The following TNRC6B variants were observed in gnomAD, a reference collection of about 807,000 sequenced individuals.
TNRC6B encodes trinucleotide repeat-containing gene 6B protein.
Under a neutral mutation model 203.6 loss-of-function variants are expected in TNRC6B, and 52 were observed. The ratio of observed to expected loss-of-function variants is 0.26; its 90% confidence interval spans 0.20 to 0.32. TNRC6B has a LOEUF of 0.32. TNRC6B is among the 10% of genes least tolerant of loss of function. The pLI is 1.00. For missense variants in TNRC6B, 1,923 were observed against 2,286.2 expected (o/e 0.84, Z 3.24); for synonymous variants, 838 against 845.7 (o/e 0.99, Z 0.16).
rs1387572113 is a variant in TNRC6B, at chr22:40,246,045, A to G, written c.36A>G (p.Leu12=). The change falls in exon 2 of 23, where the codon TTA becomes TTG. Residue 12 remains leucine (L), a synonymous_variant. Transcript: ENST00000454349. ...AGGAGCAAGAAAGGGAAGAACAGTT[A>G]ATGGAAGACAAGAAAAGGAAGAAAG... ...REKEQEREEQ[L]MEDKKRKKED... is the part of the protein sequence containing the mutation. 4 of 1,549,596 alleles carry G rather than the reference A, an allele frequency of 2.6e-6. No individual in the cohort carries two copies. Among genetic ancestry groups the G allele is most frequent in the Non-Finnish European group, 3.5e-6 (4 of 1,146,124 alleles).
intron 11 of TNRC6B, among the ~76,000 whole-genome samples, chr22:40,281,838 G>T (rs926255446): frequency 3.9e-5 from 6 of 152,178 alleles, no homozygotes; most frequent in African/African-American, 1.4e-4. Flanking sequence ...CTGAGACACA[G>T]CAGTGTTTCA....
intron 1 of TNRC6B, among the ~76,000 whole-genome samples, chr22:40,112,275 G>A (rs1013066500): frequency 3.3e-5 from 5 of 152,190 alleles, no homozygotes; most frequent in African/African-American, 1.2e-4. Flanking sequence ...CCCTTCCAGG[G>A]GGGTGGGTGA....
Position 40,158,737 on chromosome 22 carries a change from G to A in TNRC6B, c.113+2555G>A, listed in dbSNP as rs149645527. ...CACAGATGAATTCTGTTCTATTTCT[G>A]TTTTCTTCTGGGCCTGGTCAGCTAT... On this transcript the variant is annotated intron_variant, in intron 4 of 23. Transcript: ENST00000301923. 1.5e-3 allele frequency among the ~76,000 whole-genome samples: 228 copies of A among 152,170 alleles called. 1 individual carries two copies. Among genetic ancestry groups the A allele is most frequent in the African/African-American group, 5.3e-3 (219 of 41,538 alleles).
In TNRC6B at chr22:40,331,325, C is replaced by A. The variant is rs1031358531; in HGVS notation, c.*8084C>A. ...AAAAATCTGAAATCATATTTTATTT[C>A]TTCAGAGCTATTATAGTTGAACACA... On this transcript the variant is annotated 3_prime_UTR_variant, in exon 23 of 23. Transcript: ENST00000454349. 1 of 186,682 alleles carries A rather than the reference C, an allele frequency of 5.4e-6. No homozygotes were observed. Among genetic ancestry groups the A allele is most frequent in the East Asian group, 1.3e-4 (1 of 7,972 alleles). 11.6% of individuals were successfully genotyped at this position (186,682 alleles called of 1,614,324 possible). A position where few individuals can be genotyped will look rare whatever the true frequency, so the allele number is the denominator to read the frequency against.
chr22:40,254,541 G>A (rs1254725632), intron 3 of TNRC6B, among the ~76,000 whole-genome samples: 2 of 152,148 alleles, frequency 1.3e-5, no homozygotes, highest in Non-Finnish European at 2.9e-5. Context: ...AAAAAAAGAT[G>A]TTAGAGTGAT....
At chr22:40,177,208 G>C (rs1051615673), upstream of TNRC6B, among the ~76,000 whole-genome samples, 1 of 152,192 alleles carries the variant, frequency 6.6e-6, no homozygotes, top group Non-Finnish European at 1.5e-5. Flanking sequence ...TGCGGTGGGG[G>C]AGGGGATTAA....
chr22:40,265,500 T>C lies in TNRC6B; in HGVS notation c.1270T>C (p.Ser424Pro), dbSNP rs1303630784. 4 of 1,613,794 alleles carry C rather than the reference T, an allele frequency of 2.5e-6. No homozygotes were observed. The change falls in exon 5 of 23, where the codon TCT (serine) becomes CCT (proline). Residue 424 changes from serine (S) to proline (P), a missense_variant. This residue lies in a region of TNRC6B where 614 missense variants were observed against 587.7 expected (regional missense o/e 1.04). Transcript: ENST00000454349. ...AGATCGAAAGACTGGGAGTGTTGGA[T>C]CTTGGGGTGCAGCTAGGGGGCCTTC... is the stretch of plus-strand genomic sequence containing the variant. ...TGDRKTGSVG[S>P]WGAARGPSGT...
intron 12 of TNRC6B, among the ~76,000 whole-genome samples, chr22:40,289,255 C>T (rs1400744213): frequency 6.6e-6 from 1 of 151,928 alleles, no homozygotes; most frequent in Non-Finnish European, 1.5e-5. Context: ...GCACTCCAGC[C>T]TGGGCAACAG....
chr22:40,252,916 A>C (rs1039658768), intron 3 of TNRC6B, among the ~76,000 whole-genome samples: 13 of 151,912 alleles, frequency 8.6e-5, no homozygotes, highest in African/African-American at 3.1e-4. Flanking sequence ...GAAAACTGGC[A>C]TTTTTTCCTG....
intron 1 of TNRC6B, among the ~76,000 whole-genome samples, chr22:40,200,176 C>T (rs903396848): frequency 6.6e-6 from 1 of 151,634 alleles, no homozygotes; most frequent in African/African-American, 2.4e-5. Flanking sequence ...GACAACTTCC[C>T]CTCAATGGTT....
chr22:40,248,077 G>GAA (rs754161621), intron 2 of TNRC6B, among the ~76,000 whole-genome samples: 10 of 132,004 alleles, frequency 7.6e-5, no homozygotes, highest in East Asian at 2.2e-4. Context: ...CTTGTGTCTA[G>GAA]AAAAAAAAAA....
At chr22:40,318,534 G>A (rs572655801) in intron 21 of TNRC6B, among the ~76,000 whole-genome samples, 3 of 152,194 alleles carry the variant, frequency 2.0e-5, no homozygotes, top group Admixed American at 6.5e-5. Flanking sequence ...GAGACAGAGC[G>A]AGACTTCATC....
intron 17 of TNRC6B, among the ~76,000 whole-genome samples, chr22:40,311,823 G>A (rs192843472): frequency 3.3e-5 from 5 of 152,326 alleles, no homozygotes; most frequent in Admixed American, 6.5e-5. Flanking sequence ...GATTACAGGC[G>A]TGAGCCACCA....
chr22:40,222,726 C>CTTTTTTTTTTTTTTTTTTTTTT (rs1601896876), intron 1 of TNRC6B, among the ~76,000 whole-genome samples: 1 of 79,072 alleles, frequency 1.3e-5, no homozygotes, highest in African/African-American at 4.6e-5. Flanking sequence ...CTCTCTCTCT[C>CTTTTTTTTTTTTTTTTTTTTTT]TCTTTTTTTT....
chr22:40,285,627 C>T lies in TNRC6B; in HGVS notation c.3583-18C>T, dbSNP rs532396349. On this transcript the variant is annotated intron_variant, in intron 11 of 22. Coordinates refer to ENST00000454349, the MANE Select transcript of TNRC6B (RefSeq NM_001162501.2). ...CTTATGTTAACAAAAAGCCTTACTGCTGCTTTTCTGTTTACAGGGCGGTAG... is the reference window on the plus strand; with the variant it reads ...CTTATGTTAACAAAAAGCCTTACTGTTGCTTTTCTGTTTACAGGGCGGTAG... 56 of 1,603,904 alleles carry T rather than the reference C, an allele frequency of 3.5e-5. 2 individuals are homozygous for T. The highest frequency in any genetic ancestry group is 2.7e-4 in the South Asian group (24 of 88,558).
chr22:40,102,401 GT>G (rs1444750426), intron 1 of TNRC6B, among the ~76,000 whole-genome samples: 1 of 152,164 alleles, frequency 6.6e-6, no homozygotes, highest in African/African-American at 2.4e-5. Flanking sequence ...AGAGAGGACA[GT>G]TTGGGTTTTT....
At chr22:40,227,981 C>A (rs1458049634) in intron 1 of TNRC6B, among the ~76,000 whole-genome samples, 2 of 152,150 alleles carry the variant, frequency 1.3e-5, no homozygotes, top group African/African-American at 4.8e-5. Flanking sequence ...GAGAATAGTT[C>A]TTTCCAAGGC....
intron 4 of TNRC6B, among the ~76,000 whole-genome samples, chr22:40,159,660 A>T (rs955042355): frequency 2.5e-5 from 2 of 78,978 alleles, no homozygotes; most frequent in African/African-American, 1.2e-4. Context: ...AAAAAAATTT[A>T]AAAATTTAAA....
At chr22:40,235,251 T>C (rs1414951086) in intron 1 of TNRC6B, among the ~76,000 whole-genome samples, 2 of 152,112 alleles carry the variant, frequency 1.3e-5, no homozygotes, top group Admixed American at 1.3e-4. Context: ...TTGGGCAGAG[T>C]CCTTAGTATG....
Sources: allele counts gnomAD v4.1 joint callset (sites outside exome capture counted in the v4.1 genomes callset), GRCh38; gene constraint gnomAD v4.1.1; regional missense constraint gnomAD v4.1.1; transcripts MANE v1.5; gene names NCBI Gene and HGNC (gene_info 2026-07-23, HGNC 2026-07-21).